AGAP1: variants seen among roughly 807,000 people sequenced by gnomAD.
AGAP1 encodes the protein ArfGAP with GTPase domain, ankyrin repeat and PH domain 1.
In AGAP1, 29 loss-of-function variants were observed where a neutral mutation model predicts 105.3. The observed-to-expected ratio is 0.28, with a 90% confidence interval of 0.21 to 0.38. AGAP1 has a LOEUF of 0.38. AGAP1 is among the 10% of genes least tolerant of loss of function. The pLI, the probability that AGAP1 is intolerant of heterozygous loss-of-function variation, is 1.00. For missense variants in AGAP1, 998 were observed against 1,165.1 expected (o/e 0.86, Z 2.09); for synonymous variants, 509 against 485.9 (o/e 1.05, Z -0.63).
chr2:235,894,825 T>C (rs903246145), intron 10 of AGAP1, among the ~76,000 whole-genome samples: 14 of 152,220 alleles, frequency 9.2e-5, no homozygotes, highest in Admixed American at 7.8e-4. Context: ...CAAAGAACAC[T>C]GAGCTGGGAA....
Position 235,665,714 on chromosome 2 carries a change from C to T in AGAP1, c.164-43465C>T, listed in dbSNP as rs1054474368. Among the ~76,000 whole-genome samples, 7 of 152,112 alleles carry T rather than the reference C, an allele frequency of 4.6e-5. No homozygotes were observed. The highest frequency in any genetic ancestry group is 7.3e-5 in the Non-Finnish European group (5 of 68,030). ...CCTTTGATGTACCCACGGAGGGGCTCTTGGTGGGCTCCCGGGGTGGGCATG... is the reference window on the plus strand; with the variant it reads ...CCTTTGATGTACCCACGGAGGGGCTTTTGGTGGGCTCCCGGGGTGGGCATG... On this transcript the variant is annotated intron_variant, in intron 1 of 17. Coordinates refer to ENST00000304032, the MANE Select transcript of AGAP1 (RefSeq NM_001037131.3). The surrounding 1 kb of genome is among the most constrained non-coding windows in gnomAD (Gnocchi z 5.3).
chr2:235,814,355 C>T (rs1958330499), intron 9 of AGAP1, among the ~76,000 whole-genome samples: 3 of 152,184 alleles, frequency 2.0e-5, no homozygotes, highest in Admixed American at 2.0e-4. Context: ...AAATCCAATT[C>T]CCCTTGAGCT....
chr2:235,979,023 A>G lies in AGAP1; in HGVS notation c.1645+10400A>G, dbSNP rs559618356. 5.3e-5 allele frequency among the ~76,000 whole-genome samples: 8 copies of G among 152,032 alleles called. No individual in the cohort carries two copies. Among genetic ancestry groups the G allele is most frequent in the African/African-American group, 1.7e-4 (7 of 41,414 alleles). ...TCTCTCTTGAAATTTTTTTGGACTT[A>G]CGGACATTTAATTCAGATGCAGTGA... On this transcript the variant is annotated intron_variant, in intron 13 of 17. Transcript: ENST00000304032. The surrounding 1 kb of genome is among the most constrained non-coding windows in gnomAD (Gnocchi z 4.5).
Position 235,971,232 on chromosome 2 carries a change from G to A in AGAP1, c.1645+2609G>A, listed in dbSNP as rs766167907. On this transcript the variant is annotated intron_variant, in intron 13 of 17. Coordinates refer to ENST00000304032, the MANE Select transcript of AGAP1 (RefSeq NM_001037131.3). The surrounding 1 kb of genome is among the most constrained non-coding windows in gnomAD (Gnocchi z 4.8). ...AAGTTACTTATCAGACTACAAATGAGTCACTTTTGTGAAAAAGTCTATATT... is the reference window on the plus strand; with the variant it reads ...AAGTTACTTATCAGACTACAAATGAATCACTTTTGTGAAAAAGTCTATATT... Among the ~76,000 whole-genome samples the A allele has an allele frequency of 6.6e-6, 1 of 152,038 alleles. No individual in the cohort carries two copies. The highest frequency in any genetic ancestry group is 1.5e-5 in the Non-Finnish European group (1 of 68,016).
At position 236,049,584 on chromosome 2, in the gene AGAP1, C is replaced by T. The variant is rs2057832631; in HGVS notation, c.2114+303C>T. 1.3e-5 allele frequency: 3 copies of T among 227,242 alleles called. No homozygotes were observed. In the South Asian group the frequency reaches 3.3e-4, roughly 25 times the overall value. The allele number at this position is 227,242 out of a possible 1,614,324, so 14.1% of individuals were successfully genotyped here. A position where few individuals can be genotyped will look rare whatever the true frequency, so the allele number is the denominator to read the frequency against. On this transcript the variant is annotated intron_variant, in intron 16 of 17. Transcript: ENST00000304032. ...CTTTAATTAATACATTTCTAATAGG[C>T]ATAAGCTGTGCCGTTAACACTAATT...
intron 9 of AGAP1, among the ~76,000 whole-genome samples, chr2:235,862,523 T>C (rs1386718080): frequency 6.6e-6 from 1 of 152,224 alleles, no homozygotes; most frequent in Non-Finnish European, 1.5e-5. Flanking sequence ...CTTCGGAGGC[T>C]CAGGTGTTGC....
chr2:235,827,902 G>A (rs1959159979), intron 9 of AGAP1, among the ~76,000 whole-genome samples: 1 of 152,234 alleles, frequency 6.6e-6, no homozygotes, highest in Admixed American at 6.5e-5. Context: ...CCGGAGGGCT[G>A]GGCTGCGAGG....
At chr2:236,098,620 CT>C (rs34419216) in intron 16 of AGAP1, among the ~76,000 whole-genome samples, 67,350 of 114,800 alleles carry the variant, frequency 0.59, 21,041 homozygotes, top group Non-Finnish European at 0.68. Flanking sequence ...TCTTTTTTTC[CT>C]TTTTTTTTTT....
In AGAP1 at chr2:236,020,354, C is replaced by T. The variant is rs139950333; in HGVS notation, c.1646-16207C>T. 2.0e-5 allele frequency among the ~76,000 whole-genome samples: 3 copies of T among 152,280 alleles called. No individual in the cohort carries two copies. Among genetic ancestry groups the T allele is most frequent in the South Asian group, 2.1e-4 (1 of 4,820 alleles). ...AGCCAGGAACAGAGATTTGAAAAGA[C>T]GTGTTGCCCATGAAGCATAGGGGGG... is the stretch of plus-strand genomic sequence containing the variant. On this transcript the variant is annotated intron_variant, in intron 13 of 17. Coordinates refer to ENST00000304032, the MANE Select transcript of AGAP1 (RefSeq NM_001037131.3). The surrounding 1 kb of genome is among the most constrained non-coding windows in gnomAD (Gnocchi z 5.0).
chr2:235,620,758 AATGCTAGGCCC>A lies in AGAP1; in HGVS notation c.164-88420_164-88410del, dbSNP rs1336795551. On this transcript the variant is annotated intron_variant, in intron 1 of 17. Coordinates refer to ENST00000304032, the MANE Select transcript of AGAP1 (RefSeq NM_001037131.3). The surrounding 1 kb of genome is among the most constrained non-coding windows in gnomAD (Gnocchi z 4.5). ...CCCAGCACCTAGACAGGACCTAGCC[AATGCTAGGCCC>A]TTTGTCGATGTTCGTTAGGCATGCA... Among the ~76,000 whole-genome samples the A allele has an allele frequency of 2.0e-5, 3 of 152,230 alleles. No homozygotes were observed. Among genetic ancestry groups the A allele is most frequent in the African/African-American group, 4.8e-5 (2 of 41,470 alleles).
Position 236,085,954 on chromosome 2 carries a change from G to A in AGAP1, c.2115-34238G>A, listed in dbSNP as rs536475310. Reference sequence around the variant, plus strand: ...GCCAGGCTGGGCTGATGGCAGCAACGCTGACCACACTCGTCATTTCTCTGC... The same window carrying A: ...GCCAGGCTGGGCTGATGGCAGCAACACTGACCACACTCGTCATTTCTCTGC... On this transcript the variant is annotated intron_variant, in intron 16 of 17. Coordinates refer to ENST00000304032, the MANE Select transcript of AGAP1 (RefSeq NM_001037131.3). Among the ~76,000 whole-genome samples the A allele has an allele frequency of 1.8e-3, 270 of 152,356 alleles. 1 individual carries two copies. The highest frequency in any genetic ancestry group is 6.0e-3 in the African/African-American group (251 of 41,594).
At chr2:235,647,884 C>T (rs912580862) in intron 1 of AGAP1, among the ~76,000 whole-genome samples, 1 of 151,946 alleles carries the variant, frequency 6.6e-6, no homozygotes, top group Non-Finnish European at 1.5e-5. Flanking sequence ...TACTGTAGAC[C>T]ATCACACCGC....
At chr2:235,590,638 CTGTTTTTTT>C (rs1945293905) in intron 1 of AGAP1, among the ~76,000 whole-genome samples, 2 of 138,154 alleles carry the variant, frequency 1.4e-5, no homozygotes, top group Admixed American at 7.2e-5. Flanking sequence ...GTTTTTGTTT[CTGTTTTTTT>C]TGTTTTGTTT....
chr2:235,904,274 C>A lies in AGAP1; in HGVS notation c.1156-4464C>A, dbSNP rs77629802. 0.045 allele frequency among the ~76,000 whole-genome samples: 6,810 copies of A among 152,244 alleles called. 528 individuals carry two copies. The highest frequency in any genetic ancestry group is 0.15 in the African/African-American group (6,392 of 41,514). ...GTGCCGGAGCAGGGTTGCAGGGGGA[C>A]AGCGAGGCACAGTTACCGAGCAATT... On this transcript the variant is annotated intron_variant, in intron 10 of 17. Coordinates refer to ENST00000304032, the MANE Select transcript of AGAP1 (RefSeq NM_001037131.3). The surrounding 1 kb of genome is among the most constrained non-coding windows in gnomAD (Gnocchi z 4.2).
intron 13 of AGAP1, among the ~76,000 whole-genome samples, chr2:235,969,560 G>A (rs1029449715): frequency 6.6e-6 from 1 of 152,060 alleles, no homozygotes; most frequent in African/African-American, 2.4e-5. Flanking sequence ...TTTCTCTATG[G>A]CTGCCATGCT....
intron 14 of AGAP1, among the ~76,000 whole-genome samples, chr2:236,039,288 A>C (rs2057476969): frequency 6.6e-6 from 1 of 152,196 alleles, no homozygotes; most frequent in East Asian, 1.9e-4. Context: ...TCTACAAAAA[A>C]ATTTTTAAAT....
chr2:235,784,076 T>C (rs974411983), intron 6 of AGAP1, among the ~76,000 whole-genome samples: 2 of 151,940 alleles, frequency 1.3e-5, no homozygotes, highest in Admixed American at 6.6e-5. Context: ...TGGAAGGAGG[T>C]GTTCGCTTTC....
At chr2:235,950,887 CTTTTTT>C (rs200110792) in intron 12 of AGAP1, among the ~76,000 whole-genome samples, 21 of 118,232 alleles carry the variant, frequency 1.8e-4, no homozygotes, top group South Asian at 5.1e-4. Context: ...TCTCCAAGCA[CTTTTTT>C]TTTTTTTTTT....
At position 235,828,527 on chromosome 2, in the gene AGAP1, A is replaced by G. The variant is rs28410098; in HGVS notation, c.1050+21196A>G. Reference sequence around the variant, plus strand: ...ACTGCCCACGAGTCACGTTTGTTCTATGAGAAGGCAGAAAATACCTGGGGA... The same window carrying G: ...ACTGCCCACGAGTCACGTTTGTTCTGTGAGAAGGCAGAAAATACCTGGGGA... On this transcript the variant is annotated intron_variant, in intron 9 of 17. Transcript: ENST00000304032. Among the ~76,000 whole-genome samples the G allele has an allele frequency of 2.2e-3, 336 of 152,262 alleles. 1 individual carries two copies. Among genetic ancestry groups the G allele is most frequent in the African/African-American group, 7.8e-3 (324 of 41,540 alleles).
Sources: gnomAD v4.1 joint callset for allele counts (sites outside exome capture counted in the v4.1 genomes callset) on GRCh38, gnomAD v4.1.1 for gene constraint, Gnocchi (gnomAD v3.1) non-coding constraint, MANE v1.5 for transcripts, NCBI Gene and HGNC (gene_info 2026-07-23, HGNC 2026-07-21) for gene names.